UBR3: variants seen among roughly 807,000 people sequenced by gnomAD.
UBR3 encodes E3 ubiquitin-protein ligase UBR3.
A neutral mutation model predicts 243.2 loss-of-function variants in UBR3; 85 were observed. The observed-to-expected ratio is 0.35, with a 90% CI of 0.29 to 0.42. UBR3 has a LOEUF of 0.42. Among genes scored for constraint, UBR3 ranks in the 10% least tolerant of loss-of-function variants. UBR3 has a pLI of 1.00. For synonymous variants in UBR3, 748 were observed against 799.8 expected (o/e 0.94, Z 1.09); for missense variants, 1,686 against 2,300.8 (o/e 0.73, Z 5.47).
At chr2:170,008,268 A>G (rs1474738172) in intron 28 of UBR3, among the ~76,000 whole-genome samples, 2 of 152,198 alleles carry the variant, frequency 1.3e-5, no homozygotes, top group African/African-American at 2.4e-5. Flanking sequence ...AATTTGTGAA[A>G]ATTGTGAATA....
intron 36 of UBR3, chr2:170,077,968 T>C: frequency 1.7e-6 from 1 of 597,240 alleles, no homozygotes; most frequent in South Asian, 1.6e-5. Context: ...TCCTGCTTTC[T>C]CTTTTCATTT....
intron 1 of UBR3, among the ~76,000 whole-genome samples, chr2:169,848,581 A>G (rs1009454463): frequency 6.6e-6 from 1 of 151,916 alleles, no homozygotes; most frequent in Non-Finnish European, 1.5e-5. Context: ...GCTCCCAGAA[A>G]GTCTATTGCT....
chr2:169,891,127 ATGTGAC>A (rs2084358806), intron 5 of UBR3, 32 bp from the exon 6 acceptor site: 1 of 1,463,724 alleles, frequency 6.8e-7, no homozygotes, highest in East Asian at 2.5e-5. Context: ...CAATTTATGA[ATGTGAC>A]TGTGTATAAT....
At chr2:170,030,975 C>T (rs576751426) in intron 31 of UBR3, among the ~76,000 whole-genome samples, 56 of 152,090 alleles carry the variant, frequency 3.7e-4, no homozygotes, top group African/African-American at 1.3e-3. Context: ...TATTATTTTT[C>T]GGGGAGATGG....
At chr2:169,890,593 G>GTATATATATATATGTGTA (rs72493218) in intron 5 of UBR3, among the ~76,000 whole-genome samples, 1 of 76,162 alleles carries the variant, frequency 1.3e-5, no homozygotes, top group African/African-American at 4.9e-5. Context: ...ATATATATAT[G>GTATATATATATATGTGTA]TATATATATG....
intron 1 of UBR3, among the ~76,000 whole-genome samples, chr2:169,831,127 ATTTTTTTTTTTTTTT>A (rs34139528): frequency 1.8e-5 from 1 of 56,478 alleles, no homozygotes; most frequent in African/African-American, 9.0e-5. Context: ...ATATATATAT[ATTTTTTTTTTTTTTT>A]TTTTTTTTTT....
At chr2:170,025,801 G>C (rs1418224141) in intron 30 of UBR3, among the ~76,000 whole-genome samples, 1 of 152,154 alleles carries the variant, frequency 6.6e-6, no homozygotes, top group East Asian at 1.9e-4. Flanking sequence ...GTTTTTCCTT[G>C]GTTGTTTGCA....
Position 169,879,094 on chromosome 2 carries a change from TTAA to T in UBR3, c.1038+527_1038+529del, listed in dbSNP as rs750010663. ...GAAATTTCAATTTTTATAGTGTTTA[TTAA>T]TAATAAATAGGAAAAATCATTGTTA... On this transcript the variant is annotated intron_variant, in intron 5 of 38. Coordinates refer to ENST00000272793, the MANE Select transcript of UBR3 (RefSeq NM_172070.4). Among the ~76,000 whole-genome samples the T allele has an allele frequency of 2.0e-4, 30 of 152,016 alleles. 1 individual carries two copies. The highest frequency in any genetic ancestry group is 2.1e-4 in the South Asian group (1 of 4,828).
chr2:170,022,892 T>G (rs2090430047), intron 30 of UBR3, among the ~76,000 whole-genome samples: 1 of 152,040 alleles, frequency 6.6e-6, no homozygotes, highest in South Asian at 2.1e-4. Flanking sequence ...GTTCCCTTCT[T>G]CTTGGACCTG....
chr2:169,894,862 T>C (rs528358894), intron 6 of UBR3, among the ~76,000 whole-genome samples: 1 of 152,352 alleles, frequency 6.6e-6, no homozygotes, highest in South Asian at 2.1e-4. Flanking sequence ...CAGTACATCA[T>C]AGTTGACACT....
chr2:170,042,228 G>A (rs1348533617), intron 32 of UBR3, among the ~76,000 whole-genome samples: 1 of 151,920 alleles, frequency 6.6e-6, no homozygotes, highest in African/African-American at 2.4e-5. Context: ...ACATTACGTT[G>A]CATTTTGTGT....
At position 170,023,992 on chromosome 2, in the gene UBR3, G is replaced by A. The variant is rs190465385; in HGVS notation, c.4454-5354G>A. On this transcript the variant is annotated intron_variant, in intron 30 of 38. Transcript: ENST00000272793. ...GCTGGGATTACAGGCATGAGCCACC[G>A]CGCCTGGCAGAAAGTCTTTGGGATA... Among the ~76,000 whole-genome samples, 1,234 of 151,902 alleles carry A rather than the reference G, an allele frequency of 8.1e-3. 7 individuals carry two copies. The highest frequency in any genetic ancestry group is 0.017 in the South Asian group (81 of 4,746).
chr2:169,890,540 G>GAGAGAGAGAGAGAGATATATATATATAT (rs1553504401), intron 5 of UBR3, among the ~76,000 whole-genome samples: 1 of 75,998 alleles, frequency 1.3e-5, no homozygotes, highest in African/African-American at 6.4e-5. Context: ...GAGAGAGAGA[G>GAGAGAGAGAGAGAGATATATATATATAT]ATATATATAT....
chr2:170,068,663 C>T (rs1369921253), intron 35 of UBR3, among the ~76,000 whole-genome samples: 1 of 151,918 alleles, frequency 6.6e-6, no homozygotes, highest in Non-Finnish European at 1.5e-5. Context: ...ATGAATGAGT[C>T]CAAAATCTGG....
intron 24 of UBR3, among the ~76,000 whole-genome samples, chr2:169,984,999 A>G (rs1332715870): frequency 6.9e-6 from 1 of 144,680 alleles, no homozygotes; most frequent in African/African-American, 2.5e-5. Context: ...TTTCAAGTCG[A>G]TTGTACCAAG....
intron 36 of UBR3, among the ~76,000 whole-genome samples, chr2:170,079,465 A>G (rs1217271136): frequency 6.6e-6 from 1 of 152,164 alleles, no homozygotes; most frequent in Non-Finnish European, 1.5e-5. Context: ...ACTTTTAAAA[A>G]CCTTTGCACT....
At chr2:170,027,684 G>A (rs16857486) in intron 30 of UBR3, among the ~76,000 whole-genome samples, 1,768 of 151,810 alleles carry the variant, frequency 0.012, 49 homozygotes, top group African/African-American at 0.039. Context: ...GATAATCTTA[G>A]TATTTTTCTG....
intron 31 of UBR3, among the ~76,000 whole-genome samples, chr2:170,036,246 C>A (rs1167038692): frequency 1.3e-5 from 2 of 152,006 alleles, no homozygotes; most frequent in Admixed American, 6.6e-5. Context: ...TGCCTAGTTC[C>A]TGATCTTAGT....
At chr2:169,880,196 T>C (rs1161040163) in intron 5 of UBR3, among the ~76,000 whole-genome samples, 6 of 152,190 alleles carry the variant, frequency 3.9e-5, no homozygotes, top group African/African-American at 1.4e-4. Context: ...GTAGGAACTT[T>C]AGACAACTAT....
Sources: allele counts gnomAD v4.1 joint callset (sites outside exome capture counted in the v4.1 genomes callset), GRCh38; gene constraint gnomAD v4.1.1; transcripts MANE v1.5; gene names NCBI Gene and HGNC (gene_info 2026-07-23, HGNC 2026-07-21).